The following PSMD1 variants were observed in gnomAD, a reference collection of about 807,000 sequenced individuals.
PSMD1 encodes the protein proteasome 26S subunit, non-ATPase 1, also known as 26S proteasome non-ATPase regulatory subunit 1.
PSMD1 carries 18 observed loss-of-function variants against 119.0 expected under a neutral mutation model. The observed-to-expected ratio is 0.15, with a 90% confidence interval of 0.10 to 0.22. The LOEUF is 0.22. Ranked by LOEUF, PSMD1 falls within the 10% of genes least tolerant of loss-of-function variation. The pLI is 1.00. For synonymous variants in PSMD1, 374 were observed against 396.6 expected, an observed-to-expected ratio of 0.94 and a Z score of 0.68; for missense variants, 702 against 1,158.5, an observed-to-expected ratio of 0.61 and a Z score of 5.72.
intron 23 of PSMD1, among the ~76,000 whole-genome samples, chr2:231,169,994 G>A (rs1357923217): frequency 6.6e-6 from 1 of 152,158 alleles, no homozygotes; most frequent in Admixed American, 6.5e-5. Context: ...TTCTGAAATT[G>A]CTGGAGAAAA....
chr2:231,154,338 G>T (rs1696438552), intron 19 of PSMD1, among the ~76,000 whole-genome samples: 1 of 152,160 alleles, frequency 6.6e-6, no homozygotes, highest in Non-Finnish European at 1.5e-5. Context: ...GGAGGCTGAG[G>T]CAGGAGAATC....
intron 16 of PSMD1, among the ~76,000 whole-genome samples, chr2:231,105,743 C>T (rs1311309665): frequency 6.6e-6 from 1 of 152,148 alleles, no homozygotes; most frequent in African/African-American, 2.4e-5. Flanking sequence ...AAAAATGTTA[C>T]ATCATCATTG....
chr2:231,137,986 A>C (rs1335292035), intron 16 of PSMD1, among the ~76,000 whole-genome samples: 2 of 152,212 alleles, frequency 1.3e-5, no homozygotes, highest in Non-Finnish European at 2.9e-5. Context: ...CACCTGTGTA[A>C]CCAGTACCCA....
intron 16 of PSMD1, among the ~76,000 whole-genome samples, chr2:231,130,984 C>T (rs1695840016): frequency 6.6e-6 from 1 of 152,170 alleles, no homozygotes; most frequent in Non-Finnish European, 1.5e-5. Flanking sequence ...TGGATTGTTA[C>T]TAATGATTTA....
chr2:231,083,673 T>A lies in PSMD1; in HGVS notation c.1632T>A (p.Ile544=). The change falls in exon 14 of 25, where the codon ATT becomes ATA. Residue 544 remains isoleucine, a synonymous_variant. Transcript: ENST00000308696. ...GYAQETQHEK[I]LRGLAVGIAL... ...CACAAGAAACTCAACATGAGAAGAT[T>A]CTGCGTGGTCTTGCAGTTGGCATAG... 1 of 1,614,186 alleles carries A rather than the reference T, an allele frequency of 6.2e-7. No homozygotes were observed. The highest frequency in any genetic ancestry group is 1.1e-5 in the South Asian group (1 of 91,084).
intron 19 of PSMD1, among the ~76,000 whole-genome samples, chr2:231,159,184 C>G (rs779681842): frequency 3.3e-5 from 5 of 152,140 alleles, no homozygotes; most frequent in Non-Finnish European, 7.3e-5. Flanking sequence ...CCTGATTAGG[C>G]ACAGACAAGC....
intron 17 of PSMD1, among the ~76,000 whole-genome samples, chr2:231,143,635 T>TATAA (rs1696182565): frequency 6.6e-6 from 1 of 152,244 alleles, no homozygotes; most frequent in Non-Finnish European, 1.5e-5. Flanking sequence ...CAAATGCTGG[T>TATAA]ATAAACAACA....
chr2:231,142,904 A>AAT (rs1307840056), intron 17 of PSMD1, among the ~76,000 whole-genome samples: 1 of 152,188 alleles, frequency 6.6e-6, no homozygotes, highest in East Asian at 1.9e-4. Flanking sequence ...CTCTAATTTT[A>AAT]ATATATATAT....
chr2:231,059,001 C>A (rs1237637421), intron 1 of PSMD1, among the ~76,000 whole-genome samples: 1 of 152,152 alleles, frequency 6.6e-6, no homozygotes, highest in African/African-American at 2.4e-5. Flanking sequence ...CTTGTTTTCA[C>A]AATTCTAGAA....
intron 16 of PSMD1, among the ~76,000 whole-genome samples, chr2:231,110,657 A>G (rs997383772): frequency 1.3e-5 from 2 of 152,184 alleles, no homozygotes; most frequent in African/African-American, 2.4e-5. Flanking sequence ...TACTTTCTCT[A>G]CTTTTCCTCA....
chr2:231,091,523 G>A (rs1341276160), intron 16 of PSMD1, among the ~76,000 whole-genome samples: 2 of 152,218 alleles, frequency 1.3e-5, no homozygotes, highest in Non-Finnish European at 2.9e-5. Context: ...ACAGATGTGT[G>A]CAGCAGCAGA....
intron 16 of PSMD1, among the ~76,000 whole-genome samples, chr2:231,088,202 T>A (rs1431364508): frequency 3.3e-5 from 5 of 152,314 alleles, no homozygotes; most frequent in Admixed American, 3.3e-4. Context: ...TAAGTGTGTA[T>A]TAATAATGGT....
At chr2:231,109,412 A>C (rs975519532) in intron 16 of PSMD1, 1 of 1,613,162 alleles carries the variant, frequency 6.2e-7, no homozygotes, top group Non-Finnish European at 8.5e-7. Context: ...GGCAATGCCT[A>C]AGGAAGAGGA....
At chr2:231,092,340 G>A (rs765241378) in intron 16 of PSMD1, among the ~76,000 whole-genome samples, 4 of 152,160 alleles carry the variant, frequency 2.6e-5, no homozygotes, top group Admixed American at 6.5e-5. Flanking sequence ...GGTCACAAAC[G>A]TGGAGTTTTG....
At chr2:231,062,181 A>G (rs1049075304) in intron 2 of PSMD1, 67 bp from the exon 3 acceptor site, 34 of 1,071,870 alleles carry the variant, frequency 3.2e-5, no homozygotes, top group Non-Finnish European at 4.2e-6. Context: ...GATTTGCTGA[A>G]AAGAATTTTT....
At position 231,078,426 on chromosome 2, in the gene PSMD1, C is replaced by T. The variant is rs138233065; in HGVS notation, c.1072-233C>T. The stretch of plus-strand genomic sequence containing the variant: ...GAAAATCTGCTGTCCAAATTCCCCA[C>T]TTAAAATCTGTTGTTGAGCTCTGTT... On this transcript the variant is annotated intron_variant, in intron 9 of 24. Transcript: ENST00000308696. 8.8e-4 allele frequency among the ~76,000 whole-genome samples: 134 copies of T among 152,346 alleles called. 1 individual carries two copies. The highest frequency in any genetic ancestry group is 3.0e-3 in the African/African-American group (124 of 41,574).
intron 16 of PSMD1, among the ~76,000 whole-genome samples, chr2:231,087,682 G>T (rs1694486057): frequency 6.6e-6 from 1 of 152,128 alleles, no homozygotes; most frequent in Non-Finnish European, 1.5e-5. Context: ...CATACTCTTG[G>T]CTGGGCGCGG....
chr2:231,140,590 A>T (rs1428663750), intron 17 of PSMD1, among the ~76,000 whole-genome samples: 1 of 151,582 alleles, frequency 6.6e-6, no homozygotes, highest in Non-Finnish European at 1.5e-5. Context: ...AAAAATAGCT[A>T]TTTTTGGCCA....
chr2:231,090,192 G>A (rs1694555245), intron 16 of PSMD1, among the ~76,000 whole-genome samples: 1 of 152,196 alleles, frequency 6.6e-6, no homozygotes, highest in Non-Finnish European at 1.5e-5. Context: ...GCAGCCTGTG[G>A]ATCGAGGAGT....
Sources: gnomAD v4.1 joint callset for allele counts (sites outside exome capture counted in the v4.1 genomes callset) on GRCh38, gnomAD v4.1.1 for gene constraint, MANE v1.5 for transcripts, NCBI Gene and HGNC (gene_info 2026-07-23, HGNC 2026-07-21) for gene names.